The following PTPRD variants were observed in gnomAD, a reference collection of about 807,000 sequenced individuals.
PTPRD encodes the protein receptor-type tyrosine-protein phosphatase delta.
A neutral mutation model predicts 214.5 loss-of-function variants in PTPRD; 34 were observed. The observed-to-expected ratio is 0.16, with a 90% CI of 0.12 to 0.21. The LOEUF (loss-of-function observed/expected upper bound fraction) is 0.21. PTPRD is among the 10% of genes least tolerant of loss of function. The probability of loss-of-function intolerance (pLI) is 1.00; values close to 1 mark genes in which losing one functional copy is unlikely to be tolerated. For synonymous variants in PTPRD, 1,128 were observed against 845.7 expected, an observed-to-expected ratio of 1.33 and a Z score of -5.79; for missense variants, 2,545 against 2,398.7, an observed-to-expected ratio of 1.06 and a Z score of -1.27.
At chr9:10,366,212 C>T (rs945022734) in intron 2 of PTPRD, among the ~76,000 whole-genome samples, 3 of 152,180 alleles carry the variant, frequency 2.0e-5, no homozygotes, top group Non-Finnish European at 4.4e-5. Context: ...TCTGTAAATA[C>T]AGGTGGTTCC....
chr9:10,500,866 C>T (rs146694842), intron 2 of PTPRD, among the ~76,000 whole-genome samples: 4 of 151,906 alleles, frequency 2.6e-5, no homozygotes, highest in Admixed American at 1.3e-4. Flanking sequence ...CATGTTATTG[C>T]GACCGACAGA....
chr9:9,603,047 G>T (rs10977864), intron 7 of PTPRD, among the ~76,000 whole-genome samples: 1 of 152,098 alleles, frequency 6.6e-6, no homozygotes, highest in East Asian at 1.9e-4. Context: ...CCCTTAAAAA[G>T]AATTCTTGAT....
At chr9:9,062,563 T>C (rs565198772) in intron 10 of PTPRD, among the ~76,000 whole-genome samples, 43 of 150,894 alleles carry the variant, frequency 2.8e-4, no homozygotes, top group African/African-American at 1.0e-3. Context: ...ATATTATCTA[T>C]CTATCTATCT....
At chr9:9,650,425 G>T (rs978594209) in intron 7 of PTPRD, among the ~76,000 whole-genome samples, 1 of 152,170 alleles carries the variant, frequency 6.6e-6, no homozygotes, top group African/African-American at 2.4e-5. Context: ...GATTATGGTG[G>T]ATAAGCTTTT....
intron 9 of PTPRD, among the ~76,000 whole-genome samples, chr9:9,302,968 CT>C (rs1431788993): frequency 1.3e-5 from 2 of 151,952 alleles, no homozygotes; most frequent in African/African-American, 4.8e-5. Flanking sequence ...CTGCTCCTCT[CT>C]TTAGATTCTA....
At chr9:9,509,239 A>C (rs957370685) in intron 8 of PTPRD, among the ~76,000 whole-genome samples, 2 of 151,552 alleles carry the variant, frequency 1.3e-5, no homozygotes, top group Non-Finnish European at 3.0e-5. Flanking sequence ...TGGGAAAAAA[A>C]CCCATGTAAT....
chr9:8,955,094 A>C (rs914052491), intron 11 of PTPRD, among the ~76,000 whole-genome samples: 2 of 151,930 alleles, frequency 1.3e-5, no homozygotes, highest in Non-Finnish European at 2.9e-5. Flanking sequence ...TAAAGAGTTT[A>C]CATTATTTGG....
At chr9:8,523,824 G>T (rs2097942218) in intron 18 of PTPRD, among the ~76,000 whole-genome samples, 1 of 152,074 alleles carries the variant, frequency 6.6e-6, no homozygotes, top group Admixed American at 6.6e-5. Context: ...GACTTTCGAA[G>T]AATTTAGAGA....
At chr9:9,715,156 G>A (rs2097796185) in intron 7 of PTPRD, among the ~76,000 whole-genome samples, 1 of 152,186 alleles carries the variant, frequency 6.6e-6, no homozygotes, top group South Asian at 2.1e-4. Flanking sequence ...CACATTTTCT[G>A]TATGTAAAGC....
intron 3 of PTPRD, among the ~76,000 whole-genome samples, chr9:10,280,603 C>G (rs1564991116): frequency 6.6e-6 from 1 of 152,064 alleles, no homozygotes; most frequent in Non-Finnish European, 1.5e-5. Context: ...GATAAAACCT[C>G]AAATTTGCAT....
At position 9,886,733 on chromosome 9, in the gene PTPRD, T is replaced by C. The variant is rs141110275; in HGVS notation, c.-368+51774A>G. On this transcript the variant is annotated intron_variant, in intron 5 of 45. Transcript: ENST00000381196. The stretch of plus-strand genomic sequence containing the variant: ...TTTGTGGTTCAGTTAGGAAAGACAA[T>C]GCAGCCTCCATCTTGTTTGCTGGAA... Among the ~76,000 whole-genome samples the C allele has an allele frequency of 2.0e-3, 300 of 152,256 alleles. 6 individuals are homozygous for C. Among genetic ancestry groups the C allele is most frequent in the African/African-American group, 7.1e-3 (295 of 41,556 alleles).
intron 10 of PTPRD, among the ~76,000 whole-genome samples, chr9:9,174,837 G>C (rs2099923652): frequency 6.6e-6 from 1 of 152,018 alleles, no homozygotes; most frequent in African/African-American, 2.4e-5. Flanking sequence ...TTAAGACCGT[G>C]AGATTTGCTT....
At chr9:8,395,468 T>G (rs1049222200) in intron 36 of PTPRD, among the ~76,000 whole-genome samples, 1 of 151,532 alleles carries the variant, frequency 6.6e-6, no homozygotes, top group Admixed American at 6.6e-5. Flanking sequence ...CTTCACCTGT[T>G]CAATGACAGC....
rs551292594 is a variant in PTPRD, at chr9:10,595,682, T to C, written c.-600+16716A>G. On this transcript the variant is annotated intron_variant, in intron 2 of 45. Transcript: ENST00000381196. ...TATTTATAATAAAAAATTAGAATTA[T>C]GTACATATGTCAGTGATCTGCATTA... is the stretch of plus-strand genomic sequence containing the variant. Among the ~76,000 whole-genome samples the C allele has an allele frequency of 1.1e-3, 160 of 151,546 alleles. 1 individual carries two copies. The highest frequency in any genetic ancestry group is 2.0e-3 in the Non-Finnish European group (133 of 67,784).
At position 8,518,143 on chromosome 9, in the gene PTPRD, T is replaced by A; in HGVS notation, c.1248A>T (p.Ala416=). 1.2e-6 allele frequency: 2 copies of A among 1,613,902 alleles called. No individual in the cohort carries two copies. The highest frequency in any genetic ancestry group is 1.7e-6 in the Non-Finnish European group (2 of 1,179,978). Residue 416 remains alanine (A), a synonymous_variant, in exon 21 of 46, where the codon GCA becomes GCT. Coordinates refer to ENST00000381196, the MANE Select transcript of PTPRD (RefSeq NM_002839.4). ...EPVLTQTSEQ[A]PSSAPRDVQA... ...GGACATCCCTCGGGGCACTGGATGG[T>A]GCTTGCTCTGAGGTTTGTGTTAGCA...
At chr9:9,643,061 A>G (rs1208899746) in intron 7 of PTPRD, among the ~76,000 whole-genome samples, 2 of 152,208 alleles carry the variant, frequency 1.3e-5, no homozygotes, top group Non-Finnish European at 2.9e-5. Context: ...GAGCACATAC[A>G]TGTGTATGAC....
chr9:10,593,149 T>G (rs2075890995), intron 2 of PTPRD, among the ~76,000 whole-genome samples: 1 of 151,808 alleles, frequency 6.6e-6, no homozygotes, highest in Admixed American at 6.6e-5. Flanking sequence ...GTGGAGCAAA[T>G]AAGAAGAACA....
At chr9:9,403,421 T>TTCTC (rs150192743) in intron 8 of PTPRD, among the ~76,000 whole-genome samples, 66 of 149,728 alleles carry the variant, frequency 4.4e-4, no homozygotes, top group South Asian at 2.7e-3. Context: ...CTCTCTCTCT[T>TTCTC]TCTCTCTCTC....
chr9:9,219,364 A>G (rs1208046118), intron 9 of PTPRD, among the ~76,000 whole-genome samples: 1 of 152,114 alleles, frequency 6.6e-6, no homozygotes, highest in Non-Finnish European at 1.5e-5. Context: ...AAAATATCAA[A>G]TTTCACAGAT....
Sources: allele counts gnomAD v4.1 joint callset (sites outside exome capture counted in the v4.1 genomes callset), GRCh38; gene constraint gnomAD v4.1.1; transcripts MANE v1.5; gene names NCBI Gene and HGNC (gene_info 2026-07-23, HGNC 2026-07-21).